EIF3A: variants seen among roughly 807,000 people sequenced by gnomAD.
EIF3A encodes EIF3, p180 subunit.
In EIF3A, 21 loss-of-function variants were observed where a neutral mutation model predicts 186.6. That is an observed-to-expected ratio of 0.11 (90% CI 0.08 to 0.16). The LOEUF is 0.16. Ranked by LOEUF, EIF3A falls within the 10% of genes least tolerant of loss-of-function variation. The pLI is 1.00. For missense variants in EIF3A, 1,306 were observed against 1,796.3 expected (o/e 0.73, Z 4.93); for synonymous variants, 563 against 584.3 (o/e 0.96, Z 0.52).
intron 7 of EIF3A, among the ~76,000 whole-genome samples, chr10:119,063,966 C>A (rs531706164): frequency 1.3e-5 from 2 of 152,286 alleles, no homozygotes; most frequent in Admixed American, 6.5e-5. Flanking sequence ...GTAATTCCAG[C>A]TACTTGGGAG....
intron 17 of EIF3A, among the ~76,000 whole-genome samples, chr10:119,044,466 A>G (rs987376928): frequency 1.3e-5 from 2 of 152,242 alleles, no homozygotes; most frequent in African/African-American, 4.8e-5. Flanking sequence ...TGAAATGGAC[A>G]TCACAGTGCC....
In EIF3A at chr10:119,051,300, G is replaced by A. The variant is rs866978465; in HGVS notation, c.2218C>T (p.Arg740Cys). The change falls in exon 15 of 22, where the codon CGT (arginine) becomes TGT (cysteine). Residue 740 changes from arginine to cysteine, a missense_variant. Transcript: ENST00000369144. ...TTCTTATGTTCAAGAGCCTTTTCAC[G>A]TTCTAGCTGCATTGTAGTAATCTGC... ...EERITTMQLEREKALEHKNRM... is the reference protein window; with the variant it reads ...EERITTMQLECEKALEHKNRM... 6 of 1,600,026 alleles carry A rather than the reference G, an allele frequency of 3.7e-6. No individual in the cohort carries two copies. The highest frequency in any genetic ancestry group is 1.1e-5 in the South Asian group (1 of 88,352).
At chr10:119,037,398 G>A (rs759191473) in intron 20 of EIF3A, 89 bp from the exon 21 acceptor site, 29 of 1,180,034 alleles carry the variant, frequency 2.5e-5, no homozygotes, top group Non-Finnish European at 3.6e-6. Context: ...GGGGCTTAGA[G>A]TTTACAAATA....
At chr10:119,071,956 C>T (rs71480927) in intron 4 of EIF3A, among the ~76,000 whole-genome samples, 7 of 128,316 alleles carry the variant, frequency 5.5e-5, no homozygotes, top group East Asian at 2.5e-4. Flanking sequence ...ACCTGGGAGG[C>T]GGAGCTTGTA....
chr10:119,066,275 G>A (rs1407106578), intron 6 of EIF3A, among the ~76,000 whole-genome samples: 3 of 151,870 alleles, frequency 2.0e-5, no homozygotes, highest in African/African-American at 2.4e-5. Flanking sequence ...TTGGGAGGCC[G>A]AAGCAGACGG....
At chr10:119,066,788 T>C (rs1227018438) in intron 6 of EIF3A, among the ~76,000 whole-genome samples, 2 of 152,190 alleles carry the variant, frequency 1.3e-5, no homozygotes, top group African/African-American at 4.8e-5. Flanking sequence ...CTTAATTTTC[T>C]GAGTCATAAG....
chr10:119,073,985 G>A (rs756904357), intron 1 of EIF3A, 48 bp from the exon 2 acceptor site: 1 of 1,425,396 alleles, frequency 7.0e-7, no homozygotes, highest in Non-Finnish European at 9.3e-7. Context: ...CTATACAAGA[G>A]TCTAAACTTT....
intron 6 of EIF3A, among the ~76,000 whole-genome samples, chr10:119,065,849 G>T (rs933190321): frequency 6.6e-6 from 1 of 152,188 alleles, no homozygotes; most frequent in Non-Finnish European, 1.5e-5. Context: ...AGGCGCGGTG[G>T]CTCACGCCTG....
At position 119,033,779 on chromosome 10, in the gene EIF3A, G is replaced by T. The variant is rs1380296231; in HGVS notation, c.*2260C>A. On this transcript the variant is annotated 3_prime_UTR_variant, in exon 22 of 22. Coordinates refer to ENST00000369144, the MANE Select transcript of EIF3A (RefSeq NM_003750.4). ...GTTTGTTAGTCCTGATTTTCTAATC[G>T]TAGCCACTCAAGGAACAGTCCTTTC... The T allele has an allele frequency of 6.0e-6, 1 of 166,596 alleles. No homozygotes were observed. Among genetic ancestry groups the T allele is most frequent in the South Asian group, 2.1e-4 (1 of 4,828 alleles). 10.3% of individuals were successfully genotyped at this position (166,596 alleles called of 1,614,324 possible).
chr10:119,062,454 A>C (rs1264662491), intron 7 of EIF3A, among the ~76,000 whole-genome samples: 2 of 152,204 alleles, frequency 1.3e-5, no homozygotes, highest in Non-Finnish European at 2.9e-5. Flanking sequence ...TCAGGTATTG[A>C]CCTTGGATAT....
chr10:119,037,116 T>C lies in EIF3A; in HGVS notation c.3919+3A>G. 7.3e-7 allele frequency: 1 copy of C among 1,376,262 alleles called. No individual in the cohort carries two copies. Among genetic ancestry groups the C allele is most frequent in the South Asian group, 1.1e-5 (1 of 87,854 alleles). The allele number at this position is 1,376,262 out of a possible 1,614,324, so 85.3% of individuals were successfully genotyped here. A position where few individuals can be genotyped will look rare whatever the true frequency, so the allele number is the denominator to read the frequency against. ...ATACTTCAGTTGTATGTAACCTCTA[T>C]ACCTTCTTCACGTTCTGATCTGAGT... On this transcript the variant is annotated splice_donor_region_variant and intron_variant, in intron 21 of 21. Coordinates refer to ENST00000369144, the MANE Select transcript of EIF3A (RefSeq NM_003750.4).
chr10:119,041,599 C>T (rs976600894), intron 19 of EIF3A, among the ~76,000 whole-genome samples: 2 of 152,170 alleles, frequency 1.3e-5, no homozygotes, highest in African/African-American at 4.8e-5. Flanking sequence ...ATGAGTTCCT[C>T]CTTGCATAAT....
Position 119,058,087 on chromosome 10 carries a change from C to T in EIF3A, c.1846G>A (p.Ala616Thr). ...ATACGCTCCTTCTCTCTCTCCTTTG[C>T]TTCCTGGCGCAGCCTCTCTTCCTCA... ...KAEEERLRQEAKEREKERILQ... is the reference protein window; with the variant it reads ...KAEEERLRQETKEREKERILQ... The change falls in exon 12 of 22, where the codon GCA (alanine) becomes ACA (threonine). Residue 616 changes from alanine to threonine, a missense_variant. Around this residue, in one of 8 missense-constraint regions of EIF3A, gnomAD observed 94 missense variants for 204.9 expected, o/e 0.46. Coordinates refer to ENST00000369144, the MANE Select transcript of EIF3A (RefSeq NM_003750.4). 6.2e-7 allele frequency: 1 copy of T among 1,614,192 alleles called. No homozygotes were observed. The highest frequency in any genetic ancestry group is 8.5e-7 in the Non-Finnish European group (1 of 1,180,020).
intron 4 of EIF3A, among the ~76,000 whole-genome samples, chr10:119,071,907 C>T (rs1442327027): frequency 6.6e-6 from 1 of 150,910 alleles, no homozygotes; most frequent in Non-Finnish European, 1.5e-5. Context: ...CGCCTGTAGT[C>T]CCAGCTGTTG....
intron 6 of EIF3A, among the ~76,000 whole-genome samples, chr10:119,067,260 C>T (rs531092855): frequency 1.1e-4 from 17 of 151,710 alleles, no homozygotes; most frequent in African/African-American, 3.4e-4. Flanking sequence ...ACAGTGGATG[C>T]CATAACGGAC....
chr10:119,074,941 A>AG (rs869044829), intron 1 of EIF3A, among the ~76,000 whole-genome samples: 1 of 108,984 alleles, frequency 9.2e-6, no homozygotes, highest in African/African-American at 3.2e-5. Context: ...AAAAAAAAAA[A>AG]GGGAAAAAAA....
In EIF3A at chr10:119,058,150, C is replaced by T; in HGVS notation, c.1783G>A (p.Glu595Lys). The T allele has an allele frequency of 6.2e-7, 1 of 1,614,138 alleles. No homozygotes were observed. Among genetic ancestry groups the T allele is most frequent in the Non-Finnish European group, 8.5e-7 (1 of 1,180,032 alleles). ...LNIQREKEEL[E>K]QREAELQKVR... The stretch of plus-strand genomic sequence containing the variant: ...TTCTGGAGTTCAGCTTCCCTCTGTT[C>T]CAATTCTTCTTTCTCACGCTGAATA... The change falls in exon 12 of 22, where the codon GAA becomes AAA. Residue 595 changes from glutamate (E) to lysine (K), a missense_variant. Physicochemically the swap from Glu to Lys is moderately conservative, Grantham distance 56. This residue lies in a region of EIF3A where 94 missense variants were observed against 204.9 expected (regional missense o/e 0.46). Coordinates refer to ENST00000369144, the MANE Select transcript of EIF3A (RefSeq NM_003750.4).
chr10:119,054,093 G>C (rs1848393206), intron 14 of EIF3A, among the ~76,000 whole-genome samples: 1 of 151,996 alleles, frequency 6.6e-6, no homozygotes, highest in Admixed American at 6.5e-5. Context: ...GCTAATTTTT[G>C]TAATTTTAGT....
chr10:119,039,635 A>G (rs1359868100), intron 19 of EIF3A, among the ~76,000 whole-genome samples: 1 of 152,138 alleles, frequency 6.6e-6, no homozygotes, highest in East Asian at 1.9e-4. Context: ...ACGCCACTGC[A>G]CTCCAGCCTG....
Sources: gnomAD v4.1 joint callset for allele counts (sites outside exome capture counted in the v4.1 genomes callset) on GRCh38, gnomAD v4.1.1 for gene constraint, gnomAD v4.1.1 regional missense constraint, MANE v1.5 for transcripts, NCBI Gene and HGNC (gene_info 2026-07-23, HGNC 2026-07-21) for gene names.